FILIP1: variants seen among roughly 807,000 people sequenced by gnomAD.
FILIP1 encodes filamin-A-interacting protein 1.
FILIP1 carries 61 observed loss-of-function variants against 102.1 expected under a neutral mutation model. The ratio of observed to expected loss-of-function variants is 0.60; its 90% CI spans 0.49 to 0.74. The LOEUF (loss-of-function observed/expected upper bound fraction) is 0.74, where lower values mean the gene tolerates loss of function less well. Among genes scored for constraint, FILIP1 ranks in the 30% least tolerant of loss-of-function variants. The pLI is 0.00. For missense variants in FILIP1, 1,314 were observed against 1,441.2 expected, an observed-to-expected ratio of 0.91 and a Z score of 1.43; for synonymous variants, 491 against 526.9, an observed-to-expected ratio of 0.93 and a Z score of 0.93.
chr6:75,321,711 G>A (rs1426614639), intron 4 of FILIP1, among the ~76,000 whole-genome samples: 5 of 152,024 alleles, frequency 3.3e-5, no homozygotes, highest in Admixed American at 2.0e-4. Context: ...GGAGAATGGC[G>A]TGAACCCGGG....
intron 4 of FILIP1, among the ~76,000 whole-genome samples, chr6:75,318,301 T>A (rs1245646199): frequency 6.6e-6 from 1 of 151,048 alleles, no homozygotes. Flanking sequence ...TGTGGCATGA[T>A]TATAGTTCAC....
intron 1 of FILIP1, among the ~76,000 whole-genome samples, chr6:75,419,395 G>T (rs1406268618): frequency 6.6e-6 from 1 of 151,910 alleles, no homozygotes; most frequent in African/African-American, 2.4e-5. Context: ...GTCTGTTCCT[G>T]GTTTTATTTT....
chr6:75,362,256 A>G (rs1158019676), intron 3 of FILIP1, among the ~76,000 whole-genome samples: 4 of 152,228 alleles, frequency 2.6e-5, no homozygotes, highest in African/African-American at 9.6e-5. Flanking sequence ...TAAGCATTTC[A>G]TTAGAATTTT....
At chr6:75,378,910 C>G (rs1211089478) in intron 2 of FILIP1, among the ~76,000 whole-genome samples, 1 of 152,078 alleles carries the variant, frequency 6.6e-6, no homozygotes, top group Non-Finnish European at 1.5e-5. Flanking sequence ...ATAGGTTTTG[C>G]CACCACCAAA....
chr6:75,370,090 G>A (rs1383120985), intron 2 of FILIP1, among the ~76,000 whole-genome samples: 1 of 152,182 alleles, frequency 6.6e-6, no homozygotes, highest in African/African-American at 2.4e-5. Flanking sequence ...CAGTTCCCAA[G>A]CACTATCGCT....
chr6:75,486,157 A>G (rs1039167118), intron 1 of FILIP1, among the ~76,000 whole-genome samples: 2 of 152,170 alleles, frequency 1.3e-5, no homozygotes, highest in Admixed American at 6.5e-5. Context: ...AAAGTTTACA[A>G]TATAAGGTGG....
chr6:75,326,935 G>A (rs977668813), intron 4 of FILIP1, among the ~76,000 whole-genome samples: 3 of 152,088 alleles, frequency 2.0e-5, no homozygotes, highest in Admixed American at 2.0e-4. Context: ...TGTGTCAATG[G>A]CAAGATGACC....
intron 1 of FILIP1, among the ~76,000 whole-genome samples, chr6:75,488,572 T>C (rs187086034): frequency 1.1e-3 from 171 of 152,296 alleles, no homozygotes; most frequent in African/African-American, 3.9e-3. Flanking sequence ...TTATTTTACT[T>C]TTCCTTCCTA....
chr6:75,436,365 AG>A (rs148447927), intron 1 of FILIP1, among the ~76,000 whole-genome samples: 2,176 of 147,214 alleles, frequency 0.015, 82 homozygotes, highest in African/African-American at 0.049. Flanking sequence ...ACCCTGTCTC[AG>A]GAAAAAAAAA....
At chr6:75,380,314 A>AAT (rs771152306) in intron 2 of FILIP1, among the ~76,000 whole-genome samples, 8,091 of 152,228 alleles carry the variant, frequency 0.053, 295 homozygotes, top group Non-Finnish European at 0.076. Flanking sequence ...TAAAGCTCAA[A>AAT]AGAAAAATGC....
intron 1 of FILIP1, among the ~76,000 whole-genome samples, chr6:75,463,475 C>T (rs906736707): frequency 6.6e-6 from 1 of 152,070 alleles, no homozygotes; most frequent in Non-Finnish European, 1.5e-5. Flanking sequence ...ACATAAATAT[C>T]CAGTTTTGGA....
At chr6:75,402,924 G>A (rs1776706418) in intron 2 of FILIP1, among the ~76,000 whole-genome samples, 1 of 152,034 alleles carries the variant, frequency 6.6e-6, no homozygotes, top group Non-Finnish European at 1.5e-5. Flanking sequence ...ATAAATATTA[G>A]AGCATTTCAA....
At chr6:75,437,984 C>A (rs1202289111) in intron 1 of FILIP1, among the ~76,000 whole-genome samples, 1 of 152,146 alleles carries the variant, frequency 6.6e-6, no homozygotes, top group Non-Finnish European at 1.5e-5. Flanking sequence ...ATTTTAAAGA[C>A]AAGGCCCTGT....
chr6:75,339,122 C>T (rs954165163), intron 4 of FILIP1, among the ~76,000 whole-genome samples: 2 of 152,194 alleles, frequency 1.3e-5, no homozygotes, highest in Non-Finnish European at 2.9e-5. Flanking sequence ...AAATCTGTTA[C>T]TAGAAAGCAC....
chr6:75,319,616 G>A (rs1313023118), intron 4 of FILIP1: 2 of 439,312 alleles, frequency 4.6e-6, no homozygotes, highest in East Asian at 5.3e-5. Flanking sequence ...GGATCACAAG[G>A]TCAGGAGATC....
At chr6:75,329,854 G>A (rs931033419) in intron 4 of FILIP1, among the ~76,000 whole-genome samples, 1 of 152,158 alleles carries the variant, frequency 6.6e-6, no homozygotes, top group Non-Finnish European at 1.5e-5. Flanking sequence ...GTCATACAAT[G>A]TGTAGTAATC....
intron 4 of FILIP1, among the ~76,000 whole-genome samples, chr6:75,339,165 G>A (rs1026476339): frequency 4.8e-4 from 73 of 152,202 alleles, no homozygotes; most frequent in African/African-American, 1.7e-3. Flanking sequence ...TTGTCACTTG[G>A]GTAGACTCTG....
chr6:75,429,746 T>C (rs1777760148), intron 1 of FILIP1, among the ~76,000 whole-genome samples: 1 of 152,062 alleles, frequency 6.6e-6, no homozygotes. Flanking sequence ...GAAGAGAAGG[T>C]TCTATAATAG....
chr6:75,387,218 A>G (rs941908120), intron 2 of FILIP1, among the ~76,000 whole-genome samples: 2 of 152,136 alleles, frequency 1.3e-5, no homozygotes, highest in African/African-American at 4.8e-5. Context: ...TTATGGCTGC[A>G]TAGTATTCCA....
Sources: gnomAD v4.1 joint callset for allele counts (sites outside exome capture counted in the v4.1 genomes callset) on GRCh38, gnomAD v4.1.1 for gene constraint, MANE v1.5 for transcripts, NCBI Gene and HGNC (gene_info 2026-07-23, HGNC 2026-07-21) for gene names.